The following DAPK2 variants were observed in gnomAD, a reference collection of about 807,000 sequenced individuals.
DAPK2 encodes death-associated protein kinase 2.
Under a neutral mutation model 44.1 loss-of-function variants are expected in DAPK2, and 35 were observed. That is an observed-to-expected ratio of 0.79 (90% CI 0.61 to 1.05). The LOEUF is 1.05. Ranked by LOEUF, DAPK2 falls within the 50% of genes least tolerant of loss-of-function variation. DAPK2 has a pLI of 0.00. For missense variants in DAPK2, 453 were observed against 483.2 expected (o/e 0.94, Z 0.59); for synonymous variants, 174 against 182.6 (o/e 0.95, Z 0.38).
chr15:63,978,099 T>C (rs538373372), intron 2 of DAPK2, among the ~76,000 whole-genome samples: 167 of 152,282 alleles, frequency 1.1e-3, no homozygotes, highest in Non-Finnish European at 2.2e-3. Flanking sequence ...GTTTGGTGAA[T>C]AAAAGAAGAA....
intron 4 of DAPK2, among the ~76,000 whole-genome samples, chr15:63,934,169 C>T (rs539170584): frequency 9.9e-5 from 15 of 151,190 alleles, no homozygotes; most frequent in African/African-American, 1.7e-4. Context: ...TGATGCTCCT[C>T]GAACAACCTA....
intron 6 of DAPK2, among the ~76,000 whole-genome samples, chr15:63,928,072 T>A (rs571256671): frequency 6.6e-6 from 1 of 152,178 alleles, no homozygotes. Context: ...AATCAAAGTT[T>A]CAAGAGCCAA....
intron 3 of DAPK2, among the ~76,000 whole-genome samples, chr15:63,953,656 C>T (rs1169869869): frequency 1.3e-5 from 2 of 152,100 alleles, no homozygotes; most frequent in East Asian, 1.9e-4. Flanking sequence ...ATTGCTGGAT[C>T]GTTATGTTAG....
At chr15:64,009,917 C>T (rs570238580) in intron 1 of DAPK2, among the ~76,000 whole-genome samples, 334 of 152,238 alleles carry the variant, frequency 2.2e-3, no homozygotes, top group Non-Finnish European at 3.6e-3. Context: ...TGATGAGTAA[C>T]GACAAAAGCA....
intron 1 of DAPK2, among the ~76,000 whole-genome samples, chr15:64,007,871 T>A (rs886463781): frequency 6.6e-6 from 1 of 152,188 alleles, no homozygotes. Context: ...CCATGCTATA[T>A]CATGGATGGA....
chr15:63,955,084 C>A (rs750762892), intron 3 of DAPK2, among the ~76,000 whole-genome samples: 2 of 152,282 alleles, frequency 1.3e-5, no homozygotes, highest in African/African-American at 4.8e-5. Flanking sequence ...AATATGAGAT[C>A]ATATCTGCAA....
In DAPK2 at chr15:63,980,064, AG is replaced by A. The variant is rs2078460068; in HGVS notation, c.314+3468del. The stretch of plus-strand genomic sequence containing the variant: ...CATAAATTCTTAGCAGTCCATAGAC[AG>A]GCACCCTGAGAACAATGAGACAGCT... On this transcript the variant is annotated intron_variant, in intron 2 of 10. Transcript: ENST00000261891. This position sits in a 1 kb window ranked among gnomAD's most constrained non-coding sequence, Gnocchi z 4.3. Among the ~76,000 whole-genome samples the A allele has an allele frequency of 6.6e-6, 1 of 152,204 alleles. No homozygotes were observed. Among genetic ancestry groups the A allele is most frequent in the Non-Finnish European group, 1.5e-5 (1 of 68,042 alleles).
chr15:64,033,738 C>T (rs1364855577), intron 1 of DAPK2, among the ~76,000 whole-genome samples: 5 of 152,014 alleles, frequency 3.3e-5, no homozygotes, highest in Non-Finnish European at 7.4e-5. Flanking sequence ...GAAACCCCGT[C>T]TCTACTAAAA....
Position 63,993,239 on chromosome 15 carries a change from C to T in DAPK2, c.93-9485G>A, listed in dbSNP as rs142244757. ...TGACCTCCCTCCAAAGAAACACCTTCACAGTTTAACACTATTTGTGACCAA... is the reference window on the plus strand; with the variant it reads ...TGACCTCCCTCCAAAGAAACACCTTTACAGTTTAACACTATTTGTGACCAA... On this transcript the variant is annotated intron_variant, in intron 1 of 10. Coordinates refer to ENST00000261891, the Ensembl canonical transcript of DAPK2. 4.1e-3 allele frequency among the ~76,000 whole-genome samples: 621 copies of T among 152,316 alleles called. 2 individuals are homozygous for T. The highest frequency in any genetic ancestry group is 6.4e-3 in the Non-Finnish European group (435 of 68,038).
rs575249086 is a variant in DAPK2 at position 64,006,635 on chromosome 15, G to A, written c.93-22881C>T. On this transcript the variant is annotated intron_variant, in intron 1 of 10. Transcript: ENST00000261891. ...ATGGAAATAAAAGGAATTTCTTACC[G>A]TCACCTCACTTTATAAATGGGGAAA... Among the ~76,000 whole-genome samples the A allele has an allele frequency of 1.6e-4, 25 of 152,276 alleles. No homozygotes were observed. In the South Asian group the frequency reaches 2.9e-3, roughly 18 times the overall value.
chr15:63,936,292 A>C (rs1163337990), intron 4 of DAPK2, among the ~76,000 whole-genome samples: 1 of 152,128 alleles, frequency 6.6e-6, no homozygotes, highest in Non-Finnish European at 1.5e-5. Flanking sequence ...GGTGGTGCTG[A>C]AGGAGTTACT....
chr15:64,024,051 G>A (rs984218018), intron 1 of DAPK2, among the ~76,000 whole-genome samples: 9 of 152,206 alleles, frequency 5.9e-5, no homozygotes, highest in African/African-American at 1.2e-4. Context: ...AGCAGATTTG[G>A]GGCCTAGGCT....
chr15:63,934,125 G>A (rs1024650483), intron 4 of DAPK2, among the ~76,000 whole-genome samples: 1 of 151,480 alleles, frequency 6.6e-6, no homozygotes, highest in Non-Finnish European at 1.5e-5. Context: ...CATAACTGTG[G>A]ATATCTAACA....
chr15:63,945,725 C>T (rs2140490837), intron 3 of DAPK2, among the ~76,000 whole-genome samples: 1 of 152,318 alleles, frequency 6.6e-6, no homozygotes, highest in Non-Finnish European at 1.5e-5. Context: ...GGGCCTCAGC[C>T]CCCCAACTGT....
chr15:63,923,164 G>A lies in DAPK2; in HGVS notation c.858+1652C>T, dbSNP rs1467481228. The A allele has an allele frequency of 6.5e-7, 1 of 1,535,846 alleles. No individual in the cohort carries two copies. Among genetic ancestry groups the A allele is most frequent in the Non-Finnish European group, 8.7e-7 (1 of 1,146,732 alleles). The stretch of plus-strand genomic sequence containing the variant: ...TATCGTGGGCCTCCACCAGGGCACG[G>A]CATCCCAGGTCGACCCGAGCCACGT... On this transcript the variant is annotated intron_variant, in intron 8 of 10. Coordinates refer to ENST00000261891, the Ensembl canonical transcript of DAPK2. The surrounding 1 kb of genome is among the most constrained non-coding windows in gnomAD (Gnocchi z 4.2).
chr15:63,907,742 T>G (rs2078691847), exon 11 of DAPK2: 1 of 152,260 alleles, frequency 6.6e-6, no homozygotes, highest in Non-Finnish European at 1.5e-5. Context: ...TCTCTTGAAC[T>G]GGACACCTTC....
At chr15:63,926,207 C>T (rs940698620) in intron 6 of DAPK2, 114 bp from the exon 8 acceptor site, 4 of 1,218,778 alleles carry the variant, frequency 3.3e-6, no homozygotes, top group South Asian at 1.5e-5. Flanking sequence ...AGGCTCCCAG[C>T]AACACAGCCT....
chr15:63,932,393 A>G lies in DAPK2; in HGVS notation c.584-1938T>C, dbSNP rs1165505857. On this transcript the variant is annotated intron_variant, in intron 4 of 10. Coordinates refer to ENST00000261891, the Ensembl canonical transcript of DAPK2. ...GGCAGGAGAACTGCTTGAACCCAGG[A>G]GATGGAGGTTGCAGTTGAGCTGAAA... is the stretch of plus-strand genomic sequence containing the variant. Among the ~76,000 whole-genome samples, 3 of 139,636 alleles carry G rather than the reference A, an allele frequency of 2.1e-5. No individual in the cohort carries two copies. In the Admixed American group the frequency reaches 2.3e-4, roughly 11 times the overall value. 91.6% of individuals were successfully genotyped at this position (139,636 alleles called of 152,430 possible).
chr15:63,936,346 C>T (rs916686052), intron 4 of DAPK2, among the ~76,000 whole-genome samples: 1 of 152,156 alleles, frequency 6.6e-6, no homozygotes, highest in African/African-American at 2.4e-5. Flanking sequence ...CTCGCTGGCT[C>T]ACGTCGGTAA....
Sources: allele counts gnomAD v4.1 joint callset (sites outside exome capture counted in the v4.1 genomes callset), GRCh38; gene constraint gnomAD v4.1.1; non-coding constraint Gnocchi (gnomAD v3.1); transcripts MANE v1.5; gene names NCBI Gene and HGNC (gene_info 2026-07-23, HGNC 2026-07-21).